PCDH15: variants seen among roughly 807,000 people sequenced by gnomAD.
PCDH15 encodes the protein protocadherin-15.
Under a neutral mutation model 178.5 loss-of-function variants are expected in PCDH15, and 129 were observed. That is an observed-to-expected ratio of 0.72 (90% CI 0.63 to 0.84). The LOEUF (loss-of-function observed/expected upper bound fraction) is 0.84, where lower values mean the gene tolerates loss of function less well. Among genes scored for constraint, PCDH15 ranks in the 40% least tolerant of loss-of-function variants. The pLI, the probability that PCDH15 is intolerant of heterozygous loss-of-function variation, is 0.00. For synonymous variants in PCDH15, 800 were observed against 732.0 expected, an observed-to-expected ratio of 1.09 and a Z score of -1.50; for missense variants, 2,230 against 2,099.9, an observed-to-expected ratio of 1.06 and a Z score of -1.21.
At chr10:54,779,673 G>A (rs1050278140) in intron 1 of PCDH15, among the ~76,000 whole-genome samples, 4 of 151,270 alleles carry the variant, frequency 2.6e-5, no homozygotes, top group African/African-American at 9.7e-5. Flanking sequence ...AGTTAGCAGG[G>A]TGTAAATGAA....
chr10:55,448,975 T>A (rs1479750990), intron 2 of PCDH15, among the ~76,000 whole-genome samples: 17 of 152,058 alleles, frequency 1.1e-4, no homozygotes, highest in Admixed American at 1.1e-3. Context: ...AAGTAGACAA[T>A]CATAAGCTAA....
intron 10 of PCDH15, among the ~76,000 whole-genome samples, chr10:54,210,874 T>C (rs1047377287): frequency 6.6e-6 from 1 of 151,970 alleles, no homozygotes; most frequent in African/African-American, 2.4e-5. Context: ...CAATTATGCT[T>C]CTAATTTCAT....
chr10:55,552,530 A>G (rs1044001321), intron 2 of PCDH15, among the ~76,000 whole-genome samples: 2 of 151,604 alleles, frequency 1.3e-5, no homozygotes, highest in Admixed American at 6.6e-5. Flanking sequence ...TGTAACCTCA[A>G]TTCCTATCTT....
chr10:53,973,470 AT>A, intron 21 of PCDH15, among the ~76,000 whole-genome samples: 1 of 152,298 alleles, frequency 6.6e-6, no homozygotes, highest in East Asian at 1.9e-4. Flanking sequence ...ACAAATCAAT[AT>A]TTAAAATTGC....
At chr10:55,415,176 G>GT (rs900495775) in intron 2 of PCDH15, among the ~76,000 whole-genome samples, 2 of 151,368 alleles carry the variant, frequency 1.3e-5, no homozygotes, top group African/African-American at 4.8e-5. Flanking sequence ...TGATTATGTA[G>GT]TTTTTTCATT....
chr10:54,629,409 G>T (rs1366486360), intron 2 of PCDH15, among the ~76,000 whole-genome samples: 2 of 152,100 alleles, frequency 1.3e-5, no homozygotes, highest in Non-Finnish European at 2.9e-5. Flanking sequence ...GATCAAGAAG[G>T]CTATATTCCT....
At chr10:55,595,444 A>G (rs1842918973) in intron 2 of PCDH15, among the ~76,000 whole-genome samples, 1 of 152,112 alleles carries the variant, frequency 6.6e-6, no homozygotes, top group African/African-American at 2.4e-5. Context: ...CTGCACATTA[A>G]TAGAAACTGG....
intron 2 of PCDH15, among the ~76,000 whole-genome samples, chr10:54,968,802 C>T (rs1281247248): frequency 6.6e-6 from 1 of 152,006 alleles, no homozygotes; most frequent in Non-Finnish European, 1.5e-5. Flanking sequence ...TTTATTTTGG[C>T]TTAGTTTATT....
At chr10:54,087,705 G>A (rs2094536681) in intron 16 of PCDH15, among the ~76,000 whole-genome samples, 1 of 152,154 alleles carries the variant, frequency 6.6e-6, no homozygotes, top group African/African-American at 2.4e-5. Context: ...TTACCATTTG[G>A]AGAAAAGGCC....
chr10:55,406,069 A>T (rs1485011177), intron 2 of PCDH15, among the ~76,000 whole-genome samples: 3 of 36,036 alleles, frequency 8.3e-5, no homozygotes, highest in Admixed American at 2.1e-4. Context: ...GTTCCCATCT[A>T]AAAAAAAAAA....
intron 2 of PCDH15, among the ~76,000 whole-genome samples, chr10:55,473,263 T>G (rs1456822766): frequency 6.6e-6 from 1 of 152,102 alleles, no homozygotes; most frequent in East Asian, 1.9e-4. Flanking sequence ...CAGCTATAGC[T>G]TTCTTTTTTA....
intron 25 of PCDH15, among the ~76,000 whole-genome samples, chr10:53,909,239 T>G (rs551026686): frequency 6.6e-6 from 1 of 152,172 alleles, no homozygotes; most frequent in Non-Finnish European, 1.5e-5. Flanking sequence ...TACTTGCTTC[T>G]CTTTCCCCTT....
intron 25 of PCDH15, among the ~76,000 whole-genome samples, chr10:53,935,043 G>A (rs2085448613): frequency 6.6e-6 from 1 of 151,224 alleles, no homozygotes; most frequent in Non-Finnish European, 1.5e-5. Context: ...GAAATACATT[G>A]ACAAAAATAC....
intron 1 of PCDH15, among the ~76,000 whole-genome samples, chr10:54,701,338 A>C (rs2095306788): frequency 6.6e-6 from 1 of 152,110 alleles, no homozygotes; most frequent in East Asian, 1.9e-4. Flanking sequence ...GACTGTTACA[A>C]GACATTATAA....
chr10:54,268,277 CAA>C (rs953970931), intron 8 of PCDH15, among the ~76,000 whole-genome samples: 4 of 151,812 alleles, frequency 2.6e-5, no homozygotes, highest in African/African-American at 9.7e-5. Context: ...AAAATTAACT[CAA>C]GATTGATAAA....
chr10:53,947,031 C>T (rs1013639994), intron 23 of PCDH15, among the ~76,000 whole-genome samples: 4 of 152,152 alleles, frequency 2.6e-5, no homozygotes, highest in African/African-American at 4.8e-5. Context: ...CCATCTCGGC[C>T]TCTCAAAGTG....
intron 5 of PCDH15, 139 bp from the exon 6 acceptor site, chr10:54,346,623 C>A: frequency 1.0e-6 from 1 of 961,808 alleles, no homozygotes; most frequent in East Asian, 2.4e-5. Context: ...TGAAGTGTTT[C>A]AAAAGAACAG....
At chr10:55,109,063 C>T (rs144878681) in intron 2 of PCDH15, among the ~76,000 whole-genome samples, 4 of 152,286 alleles carry the variant, frequency 2.6e-5, no homozygotes, top group Non-Finnish European at 5.9e-5. Flanking sequence ...AGTGACTGGG[C>T]ACCTGTTGCT....
At chr10:55,531,712 ATG>A (rs1288581640) in intron 2 of PCDH15, among the ~76,000 whole-genome samples, 2 of 152,050 alleles carry the variant, frequency 1.3e-5, no homozygotes, top group African/African-American at 4.8e-5. Flanking sequence ...TGAATAACAG[ATG>A]TTGTAGCCAA....
Sources: allele counts gnomAD v4.1 joint callset (sites outside exome capture counted in the v4.1 genomes callset), GRCh38; gene constraint gnomAD v4.1.1; transcripts MANE v1.5; gene names NCBI Gene and HGNC (gene_info 2026-07-23, HGNC 2026-07-21).